RANBP2: variants seen among roughly 807,000 people sequenced by gnomAD.
RANBP2 encodes the protein E3 SUMO-protein ligase RanBP2.
In RANBP2, 57 loss-of-function variants were observed where a neutral mutation model predicts 303.6. That is an observed-to-expected ratio of 0.19 (90% CI 0.15 to 0.23). RANBP2 has a LOEUF of 0.23. RANBP2 is among the 10% of genes least tolerant of loss of function. The probability of loss-of-function intolerance (pLI) is 1.00; values close to 1 mark genes in which losing one functional copy is unlikely to be tolerated. For synonymous variants in RANBP2, 1,167 were observed against 1,301.5 expected (o/e 0.90, Z 2.23); for missense variants, 3,138 against 3,780.8 (o/e 0.83, Z 4.46).
At chr2:109,603,640 C>A in the RANBP2 span, among the ~76,000 whole-genome samples, 1 of 152,116 alleles carries the variant, frequency 6.6e-6, no homozygotes, top group Admixed American at 6.6e-5. Flanking sequence ...CAATTTAAAT[C>A]TTAGTACAAT....
At chr2:109,616,556 A>T in the RANBP2 span, 4 of 167,154 alleles carry the variant, frequency 2.4e-5, no homozygotes, top group African/African-American at 9.6e-5. Flanking sequence ...TTGCATTTGC[A>T]TTTTAAGGTA....
chr2:109,077,781 G>T, the RANBP2 span, among the ~76,000 whole-genome samples: 1 of 149,820 alleles, frequency 6.7e-6, no homozygotes, highest in African/African-American at 2.4e-5. Context: ...ATCTGTTAGG[G>T]TGGCTATTGT....
At chr2:109,578,537 G>A in the RANBP2 span, among the ~76,000 whole-genome samples, 6 of 31,384 alleles carry the variant, frequency 1.9e-4, 1 homozygote, top group African/African-American at 6.3e-4. Context: ...AGGCCGAGGA[G>A]GGTGGAATCA....
the RANBP2 span, among the ~76,000 whole-genome samples, chr2:109,192,234 G>A: frequency 4.6e-5 from 7 of 152,174 alleles, no homozygotes; most frequent in African/African-American, 7.2e-5. Context: ...CTGTATCTAA[G>A]CAGGGAACCT....
the RANBP2 span, among the ~76,000 whole-genome samples, chr2:109,415,929 A>G: frequency 8.0e-4 from 122 of 152,208 alleles, 1 homozygote; most frequent in South Asian, 3.7e-3. Flanking sequence ...ATAATCACTC[A>G]TGGATTCCTG....
chr2:109,450,869 C>T, the RANBP2 span, among the ~76,000 whole-genome samples: 2 of 152,232 alleles, frequency 1.3e-5, no homozygotes, highest in Non-Finnish European at 2.9e-5. Flanking sequence ...GATCTTTTGA[C>T]ATCTTTCCAT....
chr2:108,785,786 A>T lies in RANBP2; in HGVS notation c.*1885A>T, dbSNP rs1309592782. The T allele has an allele frequency of 1.3e-5, 2 of 152,386 alleles. No homozygotes were observed. Among genetic ancestry groups the T allele is most frequent in the East Asian group, 3.9e-4 (2 of 5,194 alleles). 9.4% of individuals were successfully genotyped at this position (152,386 alleles called of 1,614,324 possible). ...TTGTCTCATTAAAATCTGCTTAAAG[A>T]TAGAATAAAATTCATTATTTGTACA... On this transcript the variant is annotated 3_prime_UTR_variant, in exon 29 of 29. Transcript: ENST00000283195.
the RANBP2 span, among the ~76,000 whole-genome samples, chr2:109,110,557 C>T: frequency 6.6e-6 from 1 of 152,194 alleles, no homozygotes; most frequent in Non-Finnish European, 1.5e-5. Context: ...CACCCACTGT[C>T]TCGGCAAGGT....
the RANBP2 span, among the ~76,000 whole-genome samples, chr2:109,030,845 C>T: frequency 6.6e-6 from 1 of 152,174 alleles, no homozygotes; most frequent in Non-Finnish European, 1.5e-5. Context: ...GCCTCGGCCT[C>T]CAGAGTAGCT....
intron 4 of RANBP2, among the ~76,000 whole-genome samples, chr2:108,735,118 G>A (rs1439167219): frequency 3.5e-4 from 53 of 152,116 alleles, no homozygotes; most frequent in African/African-American, 1.2e-3. Context: ...CTTTGAGATG[G>A]TGATGAAGGT....
the RANBP2 span, among the ~76,000 whole-genome samples, chr2:109,319,900 G>A: frequency 2.6e-5 from 4 of 152,294 alleles, no homozygotes; most frequent in African/African-American, 9.6e-5. Context: ...GAAATCCCCC[G>A]GTGGTTACAT....
chr2:109,091,754 CT>C, the RANBP2 span, among the ~76,000 whole-genome samples: 1,070 of 152,318 alleles, frequency 7.0e-3, 6 homozygotes, highest in South Asian at 0.011. Flanking sequence ...TGGGGCACTG[CT>C]GACCCAATGT....
chr2:109,266,179 G>A, the RANBP2 span, among the ~76,000 whole-genome samples: 9 of 151,224 alleles, frequency 6.0e-5, no homozygotes, highest in East Asian at 1.9e-4. Context: ...TGTGTTGTGC[G>A]TGCATGTGTG....
At chr2:109,442,180 G>A in the RANBP2 span, among the ~76,000 whole-genome samples, 57 of 152,032 alleles carry the variant, frequency 3.7e-4, no homozygotes, top group African/African-American at 1.3e-3. Context: ...GCGTGTTGGC[G>A]GGCGCCTGTA....
At chr2:108,838,364 A>G in the RANBP2 span, among the ~76,000 whole-genome samples, 2 of 152,212 alleles carry the variant, frequency 1.3e-5, no homozygotes, top group Non-Finnish European at 2.9e-5. Flanking sequence ...CAATACACTC[A>G]TAATCATTAG....
At position 108,740,621 on chromosome 2, in the gene RANBP2, T is replaced by C. The variant is rs1190560167; in HGVS notation, c.915T>C (p.Ser305=). 4 of 1,597,568 alleles carry C rather than the reference T, an allele frequency of 2.5e-6. No individual in the cohort carries two copies. In the South Asian group the frequency reaches 4.4e-5, roughly 18 times the overall value. Reference sequence around the variant, plus strand: ...TTTTGAAGATGGGTCAGCATAGTAGTAATGTTCAATGGCGAGCTCTTTCTG... The same window carrying C: ...TTTTGAAGATGGGTCAGCATAGTAGCAATGTTCAATGGCGAGCTCTTTCTG... ...SLLLKMGQHS[S]NVQWRALSEL... Residue 305 remains serine, a synonymous_variant, in exon 7 of 29, where the codon AGT becomes AGC. Transcript: ENST00000283195.
the RANBP2 span, among the ~76,000 whole-genome samples, chr2:109,696,365 T>G: frequency 6.6e-6 from 1 of 152,256 alleles, no homozygotes; most frequent in East Asian, 1.9e-4. Context: ...TGTATATATG[T>G]GAAATAAGAT....
chr2:108,720,011 T>C (rs1259460473), intron 1 of RANBP2: 15 of 985,192 alleles, frequency 1.5e-5, no homozygotes, highest in Non-Finnish European at 1.7e-5. Context: ...GGCCTAGTTC[T>C]CGGGGGCTTG....
chr2:109,643,889 TAGGCAGGCG>T, the RANBP2 span, among the ~76,000 whole-genome samples: 46 of 151,680 alleles, frequency 3.0e-4, no homozygotes, highest in Non-Finnish European at 5.6e-4. Flanking sequence ...TTGGGAGGCC[TAGGCAGGCG>T]GATCACGAGG....
Sources: allele counts gnomAD v4.1 joint callset (sites outside exome capture counted in the v4.1 genomes callset), GRCh38; gene constraint gnomAD v4.1.1; transcripts MANE v1.5; gene names NCBI Gene and HGNC (gene_info 2026-07-23, HGNC 2026-07-21).